The following DUSP4 variants were observed in gnomAD, a reference collection of about 807,000 sequenced individuals.
The protein encoded by DUSP4 is dual specificity phosphatase 4.
Under a neutral mutation model 27.2 loss-of-function variants are expected in DUSP4, and 12 were observed. That is an observed-to-expected ratio of 0.44 (90% confidence interval 0.28 to 0.71). DUSP4 has a LOEUF of 0.71. DUSP4 is among the 30% of genes least tolerant of loss of function. The pLI, the probability that DUSP4 is intolerant of heterozygous loss-of-function variation, is 0.14. For synonymous variants in DUSP4, 257 were observed against 245.2 expected (o/e 1.05, Z -0.45); for missense variants, 448 against 551.3 (o/e 0.81, Z 1.88).
chr8:29,342,264 G>C (rs141827717), intron 1 of DUSP4, among the ~76,000 whole-genome samples: 1 of 152,348 alleles, frequency 6.6e-6, no homozygotes, highest in African/African-American at 2.4e-5. Context: ...TCTGCCATGA[G>C]GTTGCACCCC....
At chr8:29,348,221 G>A (rs1817763469) in intron 1 of DUSP4, 2 of 985,534 alleles carry the variant, frequency 2.0e-6, no homozygotes, top group South Asian at 9.4e-5. Flanking sequence ...CGCCGTGCGG[G>A]GAACATCCCG....
chr8:29,338,365 T>A lies in DUSP4; in HGVS notation c.716A>T (p.His239Leu). The A allele has an allele frequency of 1.2e-6, 2 of 1,614,182 alleles. No individual in the cohort carries two copies. The highest frequency in any genetic ancestry group is 1.7e-6 in the Non-Finnish European group (2 of 1,180,050). The part of the protein sequence containing the change: ...SSDCPNHFEG[H>L]YQYKCIPVED... ...CACTGGGATGCACTTGTACTGATAG[T>A]GTCCTTCAAAGTGGTTTGGGCAGTC... The change falls in exon 3 of 4, where the codon CAC (histidine) becomes CTC (leucine). Residue 239 changes from histidine to leucine, a missense_variant. By Grantham distance (99) the His-to-Leu change is moderately conservative. Coordinates refer to ENST00000240100, the MANE Select transcript of DUSP4 (RefSeq NM_001394.7).
rs766372308 is a variant in DUSP4 at position 29,335,529 on chromosome 8, CCT to C, written c.*1495_*1496del. ...AGACCTGAAATGTGGTGTCCATTCC[CCT>C]CTTTATTCAAAAGAGGACCTTCAAA... On this transcript the variant is annotated 3_prime_UTR_variant, in exon 4 of 4. Coordinates refer to ENST00000240100, the MANE Select transcript of DUSP4 (RefSeq NM_001394.7). 4.6e-5 allele frequency: 7 copies of C among 152,212 alleles called. No individual in the cohort carries two copies. Among genetic ancestry groups the C allele is most frequent in the African/African-American group, 1.7e-4 (7 of 41,448 alleles). The allele number at this position is 152,212 out of a possible 1,614,324, so 9.4% of individuals were successfully genotyped here.
In DUSP4 at chr8:29,335,242, C is replaced by T. The variant is rs1817553939; in HGVS notation, c.*1784G>A. 1 of 145,904 alleles carries T rather than the reference C, an allele frequency of 6.9e-6. No individual in the cohort carries two copies. Among genetic ancestry groups the T allele is most frequent in the Admixed American group, 6.8e-5 (1 of 14,728 alleles). The allele number at this position is 145,904 out of a possible 1,614,324, so 9.0% of individuals were successfully genotyped here. Reference sequence around the variant, plus strand: ...AACCCTCCCCACAGAAAACGTGTCTCCCTCCAAAGCCATTCTCCATTTAGA... The same window carrying T: ...AACCCTCCCCACAGAAAACGTGTCTTCCTCCAAAGCCATTCTCCATTTAGA... On this transcript the variant is annotated 3_prime_UTR_variant, in exon 4 of 4. Transcript: ENST00000240100.
intron 1 of DUSP4, among the ~76,000 whole-genome samples, chr8:29,346,682 C>T (rs1021003149): frequency 2.0e-5 from 3 of 152,144 alleles, no homozygotes; most frequent in African/African-American, 7.2e-5. Flanking sequence ...TTAGATTTTT[C>T]GTTATTGCTT....
Position 29,336,817 on chromosome 8 carries a change from G to T in DUSP4, c.*209C>A. 2 of 629,432 alleles carry T rather than the reference G, an allele frequency of 3.2e-6. No individual in the cohort carries two copies. The highest frequency in any genetic ancestry group is 5.0e-6 in the Non-Finnish European group (2 of 403,560). The allele number at this position is 629,432 out of a possible 1,614,324, so 39.0% of individuals were successfully genotyped here. ...CCTGGCTGCTGCGGCAGCCGTTATT[G>T]CTCTAAGTTGGAGTGTTCTGTTTGC... On this transcript the variant is annotated 3_prime_UTR_variant, in exon 4 of 4. Transcript: ENST00000240100.
Position 29,335,967 on chromosome 8 carries a change from T to C in DUSP4, c.*1059A>G, listed in dbSNP as rs1242764678. 5.9e-5 allele frequency: 9 copies of C among 152,170 alleles called. No individual in the cohort carries two copies. Among genetic ancestry groups the C allele is most frequent in the Non-Finnish European group, 1.0e-4 (7 of 68,026 alleles). The allele number at this position is 152,170 out of a possible 1,614,324, so 9.4% of individuals were successfully genotyped here. A position where few individuals can be genotyped will look rare whatever the true frequency, so the allele number is the denominator to read the frequency against. ...GAACCAGCTTCAAAAGCAATTCACA[T>C]TGGTCATGATGACACACACCTGCAG... is the stretch of plus-strand genomic sequence containing the variant. On this transcript the variant is annotated 3_prime_UTR_variant, in exon 4 of 4. Coordinates refer to ENST00000240100, the MANE Select transcript of DUSP4 (RefSeq NM_001394.7).
intron 1 of DUSP4, among the ~76,000 whole-genome samples, chr8:29,345,119 G>A (rs971296778): frequency 1.3e-5 from 2 of 152,130 alleles, no homozygotes; most frequent in East Asian, 1.9e-4. Context: ...CACCACACCC[G>A]GCCTTGGTCA....
In DUSP4 at chr8:29,350,486, C is replaced by T. The variant is rs1306922418; in HGVS notation, c.-208G>A. On this transcript the variant is annotated 5_prime_UTR_variant, in exon 1 of 4. Coordinates refer to ENST00000240100, the MANE Select transcript of DUSP4 (RefSeq NM_001394.7). The stretch of plus-strand genomic sequence containing the variant: ...GCGGTCACATAGCAGTCGGAGCGGC[C>T]TCGGGCGCCCAGCCGGGCGGCGCGC... 2 of 609,830 alleles carry T rather than the reference C, an allele frequency of 3.3e-6. No individual in the cohort carries two copies. Among genetic ancestry groups the T allele is most frequent in the Non-Finnish European group, 5.3e-6 (2 of 375,016 alleles). 37.8% of individuals were successfully genotyped at this position (609,830 alleles called of 1,614,324 possible).
At chr8:29,344,738 C>T (rs1817703096) in intron 1 of DUSP4, among the ~76,000 whole-genome samples, 1 of 152,054 alleles carries the variant, frequency 6.6e-6, no homozygotes, top group African/African-American at 2.4e-5. Context: ...AAGTACTTTA[C>T]AAAGGGCAGA....
Position 29,347,730 on chromosome 8 carries a change from TAA to T in DUSP4, c.433+2114_433+2115del, listed in dbSNP as rs900091135. On this transcript the variant is annotated intron_variant, in intron 1 of 3. Coordinates refer to ENST00000240100, the MANE Select transcript of DUSP4 (RefSeq NM_001394.7). ...GCAGGCTCCAGGAGGAAACAGCCCT[TAA>T]AGTACTTCTCTTATGTTGGCCAGGC... The T allele has an allele frequency of 1.8e-5, 18 of 984,728 alleles. No individual in the cohort carries two copies. The African/African-American group carries it at 3.0e-4, about 16-fold the overall frequency. 61.0% of individuals were successfully genotyped at this position (984,728 alleles called of 1,614,324 possible). A position where few individuals can be genotyped will look rare whatever the true frequency, so the allele number is the denominator to read the frequency against.
intron 1 of DUSP4, among the ~76,000 whole-genome samples, chr8:29,341,103 T>C (rs1435792982): frequency 6.6e-6 from 1 of 152,218 alleles, no homozygotes; most frequent in Non-Finnish European, 1.5e-5. Flanking sequence ...GGACTTCCTT[T>C]TGCGGCCAAC....
intron 1 of DUSP4, among the ~76,000 whole-genome samples, chr8:29,342,094 G>A (rs1456291415): frequency 6.6e-6 from 1 of 152,056 alleles, no homozygotes; most frequent in African/African-American, 2.4e-5. Context: ...GTGAATGGTT[G>A]GGTGGCCCAG....
At position 29,350,536 on chromosome 8, in the gene DUSP4, G is replaced by A. The variant is rs2117280869; in HGVS notation, c.-258C>T. On this transcript the variant is annotated 5_prime_UTR_variant, in exon 1 of 4. Coordinates refer to ENST00000240100, the MANE Select transcript of DUSP4 (RefSeq NM_001394.7). ...CAGAGCGGAGGGGGAGGCGCCGGTGGAGGAGAGTGTGTTTACGAGAGAGGA... is the reference window on the plus strand; with the variant it reads ...CAGAGCGGAGGGGGAGGCGCCGGTGAAGGAGAGTGTGTTTACGAGAGAGGA... The A allele has an allele frequency of 7.7e-6, 4 of 517,562 alleles. No homozygotes were observed. The highest frequency in any genetic ancestry group is 3.0e-5 in the South Asian group (1 of 33,618). 32.1% of individuals were successfully genotyped at this position (517,562 alleles called of 1,614,324 possible).
chr8:29,340,314 C>G lies in DUSP4; in HGVS notation c.434-71G>C, dbSNP rs916789978. 10 of 1,519,250 alleles carry G rather than the reference C, an allele frequency of 6.6e-6. No homozygotes were observed. In the Admixed American group the frequency reaches 1.9e-4, roughly 29 times the overall value. The allele number at this position is 1,519,250 out of a possible 1,614,324, so 94.1% of individuals were successfully genotyped here. On this transcript the variant is annotated intron_variant, in intron 1 of 3. Transcript: ENST00000240100. Reference sequence around the variant, plus strand: ...CAGGAAGTCAGAAAGAACTCGACTCCTACAGACTCAGGCGGACTGCTAGGA... The same window carrying G: ...CAGGAAGTCAGAAAGAACTCGACTCGTACAGACTCAGGCGGACTGCTAGGA...
At chr8:29,349,289 G>A (rs369123540) in intron 1 of DUSP4, among the ~76,000 whole-genome samples, 1 of 152,248 alleles carries the variant, frequency 6.6e-6, no homozygotes, top group African/African-American at 2.4e-5. Flanking sequence ...TGGGCAGCGG[G>A]AACGCAGATA....
At chr8:29,344,559 C>T (rs917292522) in intron 1 of DUSP4, among the ~76,000 whole-genome samples, 1 of 152,120 alleles carries the variant, frequency 6.6e-6, no homozygotes, top group African/African-American at 2.4e-5. Flanking sequence ...TTTCATCAGA[C>T]TTACTTAAGA....
intron 1 of DUSP4, among the ~76,000 whole-genome samples, chr8:29,349,177 C>G (rs141084262): frequency 6.6e-6 from 1 of 152,250 alleles, no homozygotes; most frequent in Non-Finnish European, 1.5e-5. Context: ...GGACCGGTTC[C>G]GCCCGGCGTC....
In DUSP4 at chr8:29,336,819, T is replaced by C; in HGVS notation, c.*207A>G. ...TGGCTGCTGCGGCAGCCGTTATTGC[T>C]CTAAGTTGGAGTGTTCTGTTTGCTT... is the stretch of plus-strand genomic sequence containing the variant. On this transcript the variant is annotated 3_prime_UTR_variant, in exon 4 of 4. Transcript: ENST00000240100. 1.6e-6 allele frequency: 1 copy of C among 637,192 alleles called. No individual in the cohort carries two copies. The allele number at this position is 637,192 out of a possible 1,614,324, so 39.5% of individuals were successfully genotyped here.
Sources: allele counts gnomAD v4.1 joint callset (sites outside exome capture counted in the v4.1 genomes callset), GRCh38; gene constraint gnomAD v4.1.1; transcripts MANE v1.5; gene names NCBI Gene and HGNC (gene_info 2026-07-23, HGNC 2026-07-21).